Variants in UTRN observed in about 807,000 individuals in gnomAD.
The protein encoded by UTRN is utrophin.
In UTRN, 283 loss-of-function variants were observed where a neutral mutation model predicts 463.9. That is an observed-to-expected ratio of 0.61 (90% CI 0.55 to 0.67). The LOEUF (loss-of-function observed/expected upper bound fraction) is 0.67, where lower values mean the gene tolerates loss of function less well. Among genes scored for constraint, UTRN ranks in the 30% least tolerant of loss-of-function variants. The pLI is 0.00. For missense variants in UTRN, 3,922 were observed against 4,084.3 expected (o/e 0.96, Z 1.08); for synonymous variants, 1,442 against 1,431.5 (o/e 1.01, Z -0.17).
intron 64 of UTRN, among the ~76,000 whole-genome samples, chr6:144,800,008 C>T (rs955655196): frequency 5.3e-5 from 8 of 152,070 alleles, no homozygotes; most frequent in South Asian, 2.1e-4. Flanking sequence ...TGGATATAAA[C>T]GGTAATGTGA....
At chr6:144,429,522 G>A (rs542596770) in intron 8 of UTRN, 59 bp from the exon 9 acceptor site, 2 of 1,450,778 alleles carry the variant, frequency 1.4e-6, no homozygotes, top group Admixed American at 2.1e-5. Context: ...CTAATATTGA[G>A]CAATTCACAT....
rs541474995 is a variant in UTRN, at chr6:144,288,999, A to G, written c.-92-2738A>G. Among the ~76,000 whole-genome samples, 51 of 152,246 alleles carry G rather than the reference A, an allele frequency of 3.3e-4. 1 individual carries two copies. The highest frequency in any genetic ancestry group is 3.4e-3 in the Middle Eastern group (1 of 294). Reference sequence around the variant, plus strand: ...GGCTGGTCTCAAACTCTTGACCTCAAGTGTTAGCCAGGTTGGTCTTGAACT... The same window carrying G: ...GGCTGGTCTCAAACTCTTGACCTCAGGTGTTAGCCAGGTTGGTCTTGAACT... On this transcript the variant is annotated intron_variant, in intron 1 of 74. Transcript: ENST00000367545.
chr6:144,345,583 G>A (rs1270632878), intron 2 of UTRN, among the ~76,000 whole-genome samples: 1 of 152,192 alleles, frequency 6.6e-6, no homozygotes, highest in Non-Finnish European at 1.5e-5. Flanking sequence ...ACTGAGGTGG[G>A]AGGATAGCTT....
chr6:144,746,729 A>G (rs1790789717), intron 54 of UTRN, among the ~76,000 whole-genome samples: 1 of 151,938 alleles, frequency 6.6e-6, no homozygotes, highest in South Asian at 2.1e-4. Context: ...CACCCACCTC[A>G]GCCTCCCAAA....
At chr6:144,830,013 T>C (rs1780533887) in intron 69 of UTRN, among the ~76,000 whole-genome samples, 1 of 152,150 alleles carries the variant, frequency 6.6e-6, no homozygotes, top group Admixed American at 6.5e-5. Context: ...TCATGTAAAG[T>C]AGTTAAGTAT....
At chr6:144,301,954 G>A (rs1032514446) in intron 2 of UTRN, among the ~76,000 whole-genome samples, 4 of 151,972 alleles carry the variant, frequency 2.6e-5, no homozygotes, top group East Asian at 1.9e-4. Context: ...CTGTGACTTC[G>A]CTTGTTTTGT....
At chr6:144,634,789 C>G (rs1293749938) in intron 51 of UTRN, among the ~76,000 whole-genome samples, 1 of 152,114 alleles carries the variant, frequency 6.6e-6, no homozygotes, top group African/African-American at 2.4e-5. Context: ...TAATGACTGT[C>G]TTTTTTCACT....
chr6:144,603,326 G>C (rs1344032035), intron 51 of UTRN, among the ~76,000 whole-genome samples: 1 of 152,086 alleles, frequency 6.6e-6, no homozygotes, highest in African/African-American at 2.4e-5. Context: ...TGGATCAAAG[G>C]TTATACATTG....
intron 19 of UTRN, among the ~76,000 whole-genome samples, chr6:144,458,055 C>G (rs558802136): frequency 6.6e-6 from 1 of 152,250 alleles, no homozygotes; most frequent in South Asian, 2.1e-4. Flanking sequence ...TAGGAACATT[C>G]TCTACTTTTC....
At position 144,435,982 on chromosome 6, in the gene UTRN, C is replaced by A; in HGVS notation, c.903C>A (p.Pro301=). The change falls in exon 10 of 75, where the codon CCC becomes CCA. Residue 301 remains proline (P), a synonymous_variant. Coordinates refer to ENST00000367545, the MANE Select transcript of UTRN (RefSeq NM_007124.3). ...EEHESPRAET[P]STVTEVDMDL... Reference sequence around the variant, plus strand: ...ATGAGAGTCCCCGAGCTGAAACTCCCAGCACTGTCACTGAGGTTGACATGG... The same window carrying A: ...ATGAGAGTCCCCGAGCTGAAACTCCAAGCACTGTCACTGAGGTTGACATGG... 6.2e-7 allele frequency: 1 copy of A among 1,614,182 alleles called. No individual in the cohort carries two copies. Among genetic ancestry groups the A allele is most frequent in the East Asian group, 2.2e-5 (1 of 44,876 alleles).
rs199511202 is a variant in UTRN, at chr6:144,453,784, A to G, written c.2199A>G (p.Ala733=). The G allele has an allele frequency of 7.4e-6, 12 of 1,612,668 alleles. No individual in the cohort carries two copies. In the East Asian group the frequency reaches 1.8e-4, roughly 24 times the overall value. Residue 733 remains alanine (A), a splice_region_variant and synonymous_variant, in exon 19 of 75, where the codon GCA becomes GCG. Transcript: ENST00000367545. The part of the protein sequence containing the change: ...DTSEMKKKLK[A]LEKEQRERIP... ...TTATGTTGGGACTTCATTTGCAGGC[A>G]TTAGAAAAAGAACAGAGAGAAAGAA...
At chr6:144,325,530 C>T (rs963569283) in intron 2 of UTRN, among the ~76,000 whole-genome samples, 1 of 152,184 alleles carries the variant, frequency 6.6e-6, no homozygotes, top group Non-Finnish European at 1.5e-5. Flanking sequence ...CAGTCTGTGG[C>T]ATTCTGTTGC....
At chr6:144,388,139 A>G (rs1029879714) in intron 2 of UTRN, among the ~76,000 whole-genome samples, 15 of 152,356 alleles carry the variant, frequency 9.8e-5, no homozygotes, top group Admixed American at 2.6e-4. Flanking sequence ...CTTCTAACGT[A>G]CAGATACAGT....
chr6:144,805,975 A>T (rs1778113654), intron 65 of UTRN, among the ~76,000 whole-genome samples: 1 of 152,196 alleles, frequency 6.6e-6, no homozygotes. Context: ...TTGGGGGAAA[A>T]TATCATAGTA....
chr6:144,825,746 T>A (rs2128755423), intron 66 of UTRN, among the ~76,000 whole-genome samples: 1 of 152,320 alleles, frequency 6.6e-6, no homozygotes, highest in East Asian at 1.9e-4. Flanking sequence ...AAGCAGTTAC[T>A]GTTTTTAGAA....
At chr6:144,459,782 G>T (rs1055009059) in intron 21 of UTRN, among the ~76,000 whole-genome samples, 30 of 151,972 alleles carry the variant, frequency 2.0e-4, no homozygotes, top group African/African-American at 5.6e-4. Context: ...TAGAGCCAGG[G>T]TCTAGCTATG....
intron 43 of UTRN, among the ~76,000 whole-genome samples, chr6:144,537,187 A>C (rs1797615775): frequency 6.6e-6 from 1 of 152,104 alleles, no homozygotes; most frequent in South Asian, 2.1e-4. Context: ...AATATTCGTG[A>C]AACACTCAAA....
chr6:144,591,436 C>T (rs1048127217), intron 51 of UTRN, among the ~76,000 whole-genome samples: 1 of 152,126 alleles, frequency 6.6e-6, no homozygotes, highest in Admixed American at 6.6e-5. Context: ...ATTTATGAAG[C>T]CTTTTCTGGA....
intron 24 of UTRN, among the ~76,000 whole-genome samples, chr6:144,474,253 T>C (rs1790962144): frequency 6.6e-6 from 1 of 151,878 alleles, no homozygotes; most frequent in African/African-American, 2.4e-5. Context: ...CTCCATGTTG[T>C]GCACGTGTAC....
Sources: allele counts gnomAD v4.1 joint callset (sites outside exome capture counted in the v4.1 genomes callset), GRCh38; gene constraint gnomAD v4.1.1; transcripts MANE v1.5; gene names NCBI Gene and HGNC (gene_info 2026-07-23, HGNC 2026-07-21).